The following ANGPT1 variants were observed in gnomAD, a reference collection of about 807,000 sequenced individuals.
ANGPT1 encodes the protein angiopoietin 1.
A neutral mutation model predicts 62.2 loss-of-function variants in ANGPT1; 17 were observed. That is an observed-to-expected ratio of 0.27 (90% CI 0.19 to 0.41). The LOEUF is 0.41. Among genes scored for constraint, ANGPT1 ranks in the 10% least tolerant of loss-of-function variants. The pLI, the probability that ANGPT1 is intolerant of heterozygous loss-of-function variation, is 1.00. For synonymous variants in ANGPT1, 199 were observed against 198.9 expected (o/e 1.00, Z 0.00); for missense variants, 478 against 594.9 (o/e 0.80, Z 2.04).
chr8:107,388,379 C>T (rs565569770), intron 1 of ANGPT1, among the ~76,000 whole-genome samples: 12 of 151,746 alleles, frequency 7.9e-5, no homozygotes, highest in Non-Finnish European at 1.2e-4. Flanking sequence ...TGCACCACTG[C>T]GCTCCAGTTT....
rs764987358 is a variant in ANGPT1, at chr8:107,347,040, C to A, written c.355G>T (p.Ala119Ser). The A allele has an allele frequency of 8.7e-6, 14 of 1,613,754 alleles. No individual in the cohort carries two copies. Among genetic ancestry groups the A allele is most frequent in the Non-Finnish European group, 1.2e-5 (14 of 1,179,852 alleles). The change falls in exon 2 of 9, where the codon GCA (alanine) becomes TCA (serine). Residue 119 changes from alanine (A) to serine (S), a missense_variant. Physicochemically the swap from Ala to Ser is moderately conservative, Grantham distance 99. This residue lies in a region of ANGPT1 where 343 missense variants were observed against 355.4 expected (regional missense o/e 0.97). Coordinates refer to ENST00000517746, the MANE Select transcript of ANGPT1 (RefSeq NM_001146.5). ...KSEMAQIQQNAVQNHTATMLE... is the reference protein window; with the variant it reads ...KSEMAQIQQNSVQNHTATMLE... ...ATGGTAGCCGTGTGGTTCTGAACTGCATTCTGCTGTATCTGGGCCATCTCC... is the reference window on the plus strand; with the variant it reads ...ATGGTAGCCGTGTGGTTCTGAACTGAATTCTGCTGTATCTGGGCCATCTCC...
At chr8:107,312,557 TCAC>T (rs1342362039) in intron 4 of ANGPT1, among the ~76,000 whole-genome samples, 5 of 152,212 alleles carry the variant, frequency 3.3e-5, no homozygotes, top group South Asian at 2.1e-4. Flanking sequence ...GTCCTGACTG[TCAC>T]CACAAGTACG....
At chr8:107,440,831 T>C (rs1811455727) in intron 1 of ANGPT1, among the ~76,000 whole-genome samples, 1 of 152,202 alleles carries the variant, frequency 6.6e-6, no homozygotes, top group South Asian at 2.1e-4. Flanking sequence ...TTTGAAGATA[T>C]ATGATATTTC....
chr8:107,351,753 A>T (rs1047710389), intron 1 of ANGPT1, among the ~76,000 whole-genome samples: 3 of 152,114 alleles, frequency 2.0e-5, no homozygotes, highest in Admixed American at 2.0e-4. Context: ...TGGAATCATT[A>T]AAGTCCTCTC....
At chr8:107,252,097 A>G in intron 8 of ANGPT1, 82 bp from the exon 9 acceptor site, 1 of 1,427,712 alleles carries the variant, frequency 7.0e-7, no homozygotes, top group South Asian at 1.3e-5. Flanking sequence ...TAATGGCATT[A>G]AATGATGGGA....
At chr8:107,326,740 G>A (rs1815299427) in intron 3 of ANGPT1, among the ~76,000 whole-genome samples, 1 of 152,054 alleles carries the variant, frequency 6.6e-6, no homozygotes, top group Non-Finnish European at 1.5e-5. Context: ...TATCTCCTTT[G>A]ATTCTTAAAG....
At chr8:107,349,122 T>TTAGATAGATGATAGA (rs1554584811) in intron 1 of ANGPT1, among the ~76,000 whole-genome samples, 27 of 143,908 alleles carry the variant, frequency 1.9e-4, no homozygotes, top group African/African-American at 6.5e-4. Context: ...GATAAGGAGA[T>TTAGATAGATGATAGA]TAGATAGATA....
At chr8:107,477,378 T>C (rs1812561060) in intron 1 of ANGPT1, among the ~76,000 whole-genome samples, 1 of 152,120 alleles carries the variant, frequency 6.6e-6, no homozygotes, top group Non-Finnish European at 1.5e-5. Flanking sequence ...GGCTGGAACA[T>C]AAAGAACAAT....
At chr8:107,317,181 T>C (rs532990828) in intron 4 of ANGPT1, among the ~76,000 whole-genome samples, 1 of 152,316 alleles carries the variant, frequency 6.6e-6, no homozygotes, top group South Asian at 2.1e-4. Context: ...ATTGTTTACT[T>C]TTTTCTCTCC....
chr8:107,255,181 C>T (rs1813330002), intron 8 of ANGPT1, among the ~76,000 whole-genome samples: 1 of 152,108 alleles, frequency 6.6e-6, no homozygotes, highest in Non-Finnish European at 1.5e-5. Flanking sequence ...GATGGAAACA[C>T]AGAGGCAGTA....
intron 5 of ANGPT1, among the ~76,000 whole-genome samples, chr8:107,302,758 C>A (rs1325898957): frequency 2.0e-5 from 3 of 151,906 alleles, no homozygotes; most frequent in African/African-American, 7.2e-5. Context: ...ATATGGAAAG[C>A]AAATTCTTTC....
chr8:107,400,031 G>C (rs753476245), intron 1 of ANGPT1, among the ~76,000 whole-genome samples: 3 of 152,146 alleles, frequency 2.0e-5, no homozygotes, highest in Non-Finnish European at 4.4e-5. Context: ...CAAAAGGAGA[G>C]TGGGACTTTT....
intron 1 of ANGPT1, among the ~76,000 whole-genome samples, chr8:107,480,849 A>G (rs1812657298): frequency 6.6e-6 from 1 of 152,218 alleles, no homozygotes; most frequent in Non-Finnish European, 1.5e-5. Flanking sequence ...TGGCTTCACC[A>G]ATATGATCCT....
chr8:107,269,134 A>T (rs902221139), intron 7 of ANGPT1, among the ~76,000 whole-genome samples: 5 of 152,048 alleles, frequency 3.3e-5, no homozygotes, highest in Non-Finnish European at 7.4e-5. Flanking sequence ...TCTGGGAGAA[A>T]CTATGCAGTC....
chr8:107,351,749 C>T (rs187824407), intron 1 of ANGPT1, among the ~76,000 whole-genome samples: 95 of 152,066 alleles, frequency 6.2e-4, no homozygotes, highest in African/African-American at 2.1e-3. Context: ...AGAATGGAAT[C>T]ATTAAAGTCC....
At chr8:107,474,026 C>T (rs1368469667) in intron 1 of ANGPT1, among the ~76,000 whole-genome samples, 1 of 152,032 alleles carries the variant, frequency 6.6e-6, no homozygotes, top group Non-Finnish European at 1.5e-5. Context: ...GAGCTGGGAC[C>T]ATTCCTTCTG....
At chr8:107,367,206 C>G (rs1372626113) in intron 1 of ANGPT1, among the ~76,000 whole-genome samples, 1 of 152,192 alleles carries the variant, frequency 6.6e-6, no homozygotes, top group East Asian at 1.9e-4. Flanking sequence ...TAAAGCAACT[C>G]ATACAATCTT....
intron 6 of ANGPT1, among the ~76,000 whole-genome samples, chr8:107,288,231 T>C (rs555016312): frequency 6.6e-6 from 1 of 152,266 alleles, no homozygotes; most frequent in South Asian, 2.1e-4. Context: ...AATAAGAAAT[T>C]ACAACCAACT....
chr8:107,355,144 T>C lies in ANGPT1; in HGVS notation c.298-8047A>G, dbSNP rs148114231. ...CTCGAAGTCCTGACCTCAGGTGATC[T>C]ACCCACCTGAGCCTCTCAAAGTGCT... is the stretch of plus-strand genomic sequence containing the variant. On this transcript the variant is annotated intron_variant, in intron 1 of 8. Coordinates refer to ENST00000517746, the MANE Select transcript of ANGPT1 (RefSeq NM_001146.5). Among the ~76,000 whole-genome samples the C allele has an allele frequency of 3.8e-3, 583 of 152,172 alleles. 6 individuals carry two copies. Among genetic ancestry groups the C allele is most frequent in the African/African-American group, 0.014 (561 of 41,536 alleles).
Sources: gnomAD v4.1 joint callset for allele counts (sites outside exome capture counted in the v4.1 genomes callset) on GRCh38, gnomAD v4.1.1 for gene constraint, gnomAD v4.1.1 regional missense constraint, MANE v1.5 for transcripts, NCBI Gene and HGNC (gene_info 2026-07-23, HGNC 2026-07-21) for gene names.